PPM1L: variants seen among roughly 807,000 people sequenced by gnomAD.
The protein encoded by PPM1L is protein phosphatase 1L.
A neutral mutation model predicts 31.4 loss-of-function variants in PPM1L; 13 were observed. The ratio of observed to expected loss-of-function variants is 0.41; its 90% confidence interval spans 0.27 to 0.66. The LOEUF is 0.66. PPM1L is among the 30% of genes least tolerant of loss of function. The pLI is 0.29. For missense variants in PPM1L, 326 were observed against 453.7 expected (o/e 0.72, Z 2.56); for synonymous variants, 184 against 175.4 (o/e 1.05, Z -0.39).
intron 2 of PPM1L, among the ~76,000 whole-genome samples, chr3:161,042,175 C>T (rs1285675517): frequency 6.6e-6 from 1 of 152,174 alleles, no homozygotes; most frequent in Admixed American, 6.5e-5. Context: ...TCAACTTCAA[C>T]TGTAATAGAA....
chr3:160,890,059 G>A (rs1437810951), intron 1 of PPM1L, among the ~76,000 whole-genome samples: 1 of 152,148 alleles, frequency 6.6e-6, no homozygotes, highest in Non-Finnish European at 1.5e-5. Context: ...GGCAAAAGTT[G>A]GAAGCATTTC....
chr3:160,925,501 T>A (rs1456044682), intron 1 of PPM1L, among the ~76,000 whole-genome samples: 4 of 152,208 alleles, frequency 2.6e-5, no homozygotes, highest in Non-Finnish European at 5.9e-5. Context: ...CTTGGATTTT[T>A]ACACTAGTTG....
chr3:160,849,240 C>T (rs893126031), intron 1 of PPM1L, among the ~76,000 whole-genome samples: 7 of 152,066 alleles, frequency 4.6e-5, no homozygotes, highest in Non-Finnish European at 8.8e-5. Flanking sequence ...CCTGTCCTGC[C>T]CTAGGATTCT....
At chr3:160,835,474 A>G (rs1441607634) in intron 1 of PPM1L, among the ~76,000 whole-genome samples, 1 of 152,102 alleles carries the variant, frequency 6.6e-6, no homozygotes, top group Non-Finnish European at 1.5e-5. Context: ...GCTCACCCCA[A>G]TATTTCATGT....
At chr3:160,934,341 C>T (rs546496761) in intron 1 of PPM1L, among the ~76,000 whole-genome samples, 42 of 152,324 alleles carry the variant, frequency 2.8e-4, no homozygotes, top group Middle Eastern at 6.8e-3. Flanking sequence ...GAAGATTACA[C>T]ATTCAGTGTT....
intron 2 of PPM1L, among the ~76,000 whole-genome samples, chr3:160,962,954 C>T (rs1285111029): frequency 2.0e-5 from 3 of 149,246 alleles, no homozygotes; most frequent in Non-Finnish European, 4.5e-5. Context: ...GACATCTCTG[C>T]TTTCTCTTAT....
At chr3:160,861,053 A>G (rs1055955182) in intron 1 of PPM1L, among the ~76,000 whole-genome samples, 1 of 152,210 alleles carries the variant, frequency 6.6e-6, no homozygotes, top group African/African-American at 2.4e-5. Flanking sequence ...AAGAGCTTCA[A>G]AGTAGAAAGA....
At chr3:160,841,336 ATT>A (rs561823872) in intron 1 of PPM1L, among the ~76,000 whole-genome samples, 9 of 144,820 alleles carry the variant, frequency 6.2e-5, no homozygotes, top group Middle Eastern at 3.7e-3. Context: ...CTTTACAGGG[ATT>A]TTTTTTTTTT....
At chr3:161,025,728 T>C (rs962408056) in intron 2 of PPM1L, among the ~76,000 whole-genome samples, 1 of 152,204 alleles carries the variant, frequency 6.6e-6, no homozygotes, top group African/African-American at 2.4e-5. Flanking sequence ...AAAATTAATT[T>C]CTGTTCTTTA....
intron 1 of PPM1L, among the ~76,000 whole-genome samples, chr3:160,779,067 C>G (rs1033243453): frequency 6.7e-6 from 1 of 149,912 alleles, no homozygotes; most frequent in African/African-American, 2.5e-5. Context: ...AGTCCTGTTT[C>G]CTGTTATTAC....
intron 1 of PPM1L, among the ~76,000 whole-genome samples, chr3:160,894,860 T>G (rs1019328399): frequency 6.6e-6 from 1 of 152,248 alleles, no homozygotes; most frequent in African/African-American, 2.4e-5. Context: ...AGTATGAATC[T>G]AATGATTTTG....
chr3:161,021,022 G>GT (rs1427869876), intron 2 of PPM1L, among the ~76,000 whole-genome samples: 1 of 151,218 alleles, frequency 6.6e-6, no homozygotes, highest in Admixed American at 6.6e-5. Context: ...ACCTACTTTT[G>GT]TTTTTGTTGT....
intron 1 of PPM1L, among the ~76,000 whole-genome samples, chr3:160,786,235 T>TTTTTTTTTA (rs1230108633): frequency 9.6e-6 from 1 of 104,162 alleles, no homozygotes; most frequent in African/African-American, 4.3e-5. Flanking sequence ...TTTTTTTTTT[T>TTTTTTTTTA]AAGACAGAGT....
At chr3:160,932,885 A>C (rs951765850) in intron 1 of PPM1L, among the ~76,000 whole-genome samples, 4 of 152,170 alleles carry the variant, frequency 2.6e-5, no homozygotes, top group Admixed American at 6.5e-5. Flanking sequence ...TCTCATTGGG[A>C]AATGGCTGTG....
intron 2 of PPM1L, among the ~76,000 whole-genome samples, chr3:161,054,528 G>A (rs1719360833): frequency 6.6e-6 from 1 of 152,076 alleles, no homozygotes; most frequent in Admixed American, 6.5e-5. Context: ...CCATTTTATG[G>A]AGATGGTAGT....
chr3:160,759,104 T>G (rs1312348175), intron 1 of PPM1L, among the ~76,000 whole-genome samples: 2 of 152,232 alleles, frequency 1.3e-5, no homozygotes, highest in African/African-American at 4.8e-5. Context: ...CTAATTCTTG[T>G]GTGTTGTTTA....
chr3:161,058,988 T>G (rs1719498733), intron 2 of PPM1L, among the ~76,000 whole-genome samples: 1 of 152,202 alleles, frequency 6.6e-6, no homozygotes, highest in African/African-American at 2.4e-5. Flanking sequence ...ACTGTTACTT[T>G]GTCTGCATTC....
chr3:160,823,205 A>G (rs1466501807), intron 1 of PPM1L, among the ~76,000 whole-genome samples: 2 of 152,028 alleles, frequency 1.3e-5, no homozygotes, highest in Non-Finnish European at 2.9e-5. Context: ...AAACTGGTTA[A>G]TGTTGTTTCC....
intron 2 of PPM1L, among the ~76,000 whole-genome samples, chr3:161,026,623 A>G (rs1165059569): frequency 2.0e-5 from 3 of 151,868 alleles, no homozygotes; most frequent in Non-Finnish European, 4.4e-5. Flanking sequence ...ACTTGAACCC[A>G]GGAGGCAGAG....
Sources: allele counts gnomAD v4.1 joint callset (sites outside exome capture counted in the v4.1 genomes callset), GRCh38; gene constraint gnomAD v4.1.1; transcripts MANE v1.5; gene names NCBI Gene and HGNC (gene_info 2026-07-23, HGNC 2026-07-21).